IDS: variants seen among roughly 807,000 people sequenced by gnomAD.
IDS encodes iduronate 2-sulfatase, also known as alpha-L-iduronate sulfate sulfatase.
A neutral mutation model predicts 33.5 loss-of-function variants in IDS; 1 was observed. The ratio of observed to expected loss-of-function variants is 0.03; its 90% CI spans 0.01 to 0.14. The LOEUF is 0.14. Among genes scored for constraint, IDS ranks in the 10% least tolerant of loss-of-function variants. The probability of loss-of-function intolerance (pLI) is 1.00; values close to 1 mark genes in which losing one functional copy is unlikely to be tolerated. For synonymous variants in IDS, 191 were observed against 184.4 expected (o/e 1.04, Z -0.29); for missense variants, 328 against 448.0 (o/e 0.73, Z 2.42).
At chrX:149,502,593 C>A (rs1000977041) in intron 3 of IDS, 1 of 124,230 alleles carries the variant, frequency 8.0e-6, no homozygotes, top group Non-Finnish European at 1.7e-5. Context: ...TGAAAACATT[C>A]GTCATTCCCA....
At position 149,504,274 on chromosome X, in the gene IDS, G is replaced by C. The variant is rs146904022; in HGVS notation, c.123C>G (p.Leu41=). The change falls in exon 2 of 9, where the codon CTC becomes CTG. Residue 41 remains leucine (L), a synonymous_variant. Transcript: ENST00000340855. The stretch of plus-strand genomic sequence containing the variant: ...AGGGGCGCAGGTCATCCACGATGAT[G>C]AGAAGAACGTTCAGAGCATCTACAC... The part of the protein sequence containing the change: ...NSTTDALNVL[L]IIVDDLRPSL... 233 of 1,207,167 alleles carry C rather than the reference G, an allele frequency of 1.9e-4. 1 individual carries two copies. In the African/African-American group the frequency reaches 3.4e-3, roughly 17 times the overall value.
At chrX:149,485,305 G>C (rs953236071) in intron 8 of IDS, among the ~76,000 whole-genome samples, 35 of 112,104 alleles carry the variant, frequency 3.1e-4, no homozygotes, top group Non-Finnish European at 7.5e-5. Context: ...GCACAAGCAA[G>C]GGGACCATTT....
At chrX:149,490,224 C>A in intron 7 of IDS, 90 bp downstream of exon 7, 1 of 972,547 alleles carries the variant, frequency 1.0e-6, no homozygotes, top group Non-Finnish European at 1.5e-6. Context: ...AGAGAACACA[C>A]CCATGTTTAT....
chrX:149,504,288 G>C lies in IDS; in HGVS notation c.109C>G (p.Leu37Val). 8.3e-7 allele frequency: 1 copy of C among 1,201,801 alleles called. No individual in the cohort carries two copies. The highest frequency in any genetic ancestry group is 1.1e-6 in the Non-Finnish European group (1 of 890,316). ...ETQANSTTDALNVLLIIVDDL... is the reference protein window; with the variant it reads ...ETQANSTTDAVNVLLIIVDDL... ...TCCACGATGATGAGAAGAACGTTCAGAGCATCTACACAGGAGGGAGGGGCT... is the reference window on the plus strand; with the variant it reads ...TCCACGATGATGAGAAGAACGTTCACAGCATCTACACAGGAGGGAGGGGCT... Residue 37 changes from leucine to valine, a missense_variant, in exon 2 of 9, where the codon CTG becomes GTG. Leu to Val is a conservative substitution (Grantham distance 32, BLOSUM62 1). Around this residue, in one of 4 missense-constraint regions of IDS, gnomAD observed 45 missense variants for 33.6 expected, o/e 1.34. Transcript: ENST00000340855.
At chrX:149,484,531 A>G (rs1447833582) in intron 8 of IDS, among the ~76,000 whole-genome samples, 1 of 112,637 alleles carries the variant, frequency 8.9e-6, no homozygotes, top group South Asian at 3.6e-4. Context: ...CTTGTTGGCC[A>G]GGATGGTCTT....
chrX:149,496,599 C>T, intron 5 of IDS, 83 bp from the exon 6 acceptor site: 1 of 1,021,309 alleles, frequency 9.8e-7, no homozygotes, highest in Non-Finnish European at 1.4e-6. Flanking sequence ...TCTATACTGC[C>T]TTTTCTCTAA....
intron 1 of IDS, 112 bp downstream of exon 1, chrX:149,504,921 GGA>G: frequency 1.8e-6 from 1 of 545,175 alleles, no homozygotes. Context: ...AGGAATGGTA[GGA>G]GAGAGGAAGG....
chrX:149,490,836 C>G (rs1449745578), intron 6 of IDS, among the ~76,000 whole-genome samples: 1 of 111,905 alleles, frequency 8.9e-6, no homozygotes, highest in Non-Finnish European at 1.9e-5. Context: ...AAGAATCTTG[C>G]CTCTCCCTAG....
rs11549010 is a variant in IDS at position 149,505,080 on chromosome X, C to T, written c.58G>A (p.Val20Ile). The change falls in exon 1 of 9, where the codon GTC becomes ATC. Residue 20 changes from valine to isoleucine, a missense_variant. This residue lies in a region of IDS where 45 missense variants were observed against 33.6 expected (regional missense o/e 1.34). Coordinates refer to ENST00000340855, the MANE Select transcript of IDS (RefSeq NM_000202.8). ...LLWLGLVLSS[V>I]CVALGSETQA... Reference sequence around the variant, plus strand: ...GTTTCGGATCCGAGGGCGACGCAGACGGAGCTCAGAACCAGACCCAGCCAG... The same window carrying T: ...GTTTCGGATCCGAGGGCGACGCAGATGGAGCTCAGAACCAGACCCAGCCAG... 8.3e-7 allele frequency: 1 copy of T among 1,209,124 alleles called. No individual in the cohort carries two copies. The highest frequency in any genetic ancestry group is 1.1e-6 in the Non-Finnish European group (1 of 893,595).
At chrX:149,493,652 G>T (rs1397267452) in intron 6 of IDS, among the ~76,000 whole-genome samples, 1 of 111,111 alleles carries the variant, frequency 9.0e-6, no homozygotes, top group African/African-American at 3.3e-5. Flanking sequence ...CAGGGACAGT[G>T]GTGGGGAGTT....
At position 149,486,961 on chromosome X, in the gene IDS, C is replaced by T. The variant is rs370125505; in HGVS notation, c.1144G>A (p.Asp382Asn). The change falls in exon 8 of 9, where the codon GAC becomes AAC. Residue 382 changes from aspartate (D) to asparagine (N), a missense_variant. Physicochemically the swap from Asp to Asn is conservative, Grantham distance 23 (BLOSUM62 1). This residue lies in a region of IDS where 265 missense variants were observed against 339.2 expected (regional missense o/e 0.78). Coordinates refer to ENST00000340855, the MANE Select transcript of IDS (RefSeq NM_000202.8). ...AACTGTGAGGCGGAATCAAAAGGGT[C>T]GAGGTAAGGGAAAAGCTTCTCGCCT... is the stretch of plus-strand genomic sequence containing the variant. ...EAGEKLFPYLDPFDSASQLME... is the reference protein window; with the variant it reads ...EAGEKLFPYLNPFDSASQLME... 2.5e-6 allele frequency: 3 copies of T among 1,211,652 alleles called. No individual in the cohort carries two copies. Among genetic ancestry groups the T allele is most frequent in the South Asian group, 1.8e-5 (1 of 56,982 alleles).
chrX:149,492,717 T>C (rs1043879716), intron 6 of IDS, among the ~76,000 whole-genome samples: 7 of 110,448 alleles, frequency 6.3e-5, no homozygotes, highest in African/African-American at 2.0e-4. Flanking sequence ...TTAGACAAAA[T>C]GGTACTAGGC....
chrX:149,497,093 T>C lies in IDS; in HGVS notation c.709-577A>G, dbSNP rs188049132. ...AATGCTGCTAACTAGGGAAGCTCAT[T>C]AAAGCCTCATTATCCAGTTTTTATT... On this transcript the variant is annotated intron_variant, in intron 5 of 8. Coordinates refer to ENST00000340855, the MANE Select transcript of IDS (RefSeq NM_000202.8). 1.1e-4 allele frequency among the ~76,000 whole-genome samples: 12 copies of C among 111,745 alleles called. No individual in the cohort carries two copies. The East Asian group carries it at 3.1e-3, about 29-fold the overall frequency.
At chrX:149,502,590 A>G (rs904054806) in intron 3 of IDS, 1 of 124,344 alleles carries the variant, frequency 8.0e-6, no homozygotes, top group Admixed American at 8.1e-5. Flanking sequence ...GACTGAAAAC[A>G]TTCGTCATTC....
rs782113338 is a variant in IDS at position 149,482,380 on chromosome X, TAATG to T, written c.*362_*365del. 1 of 171,556 alleles carries T rather than the reference TAATG, an allele frequency of 5.8e-6. No individual in the cohort carries two copies. The highest frequency in any genetic ancestry group is 1.6e-4 in the East Asian group (1 of 6,327). The allele number at this position is 171,556 out of a possible 1,213,427, so 14.1% of individuals were successfully genotyped here. On this transcript the variant is annotated 3_prime_UTR_variant, in exon 9 of 9. Transcript: ENST00000340855. ...TTTGAAATGCACTAAATTCCACAAA[TAATG>T]AAAGTATTCTTTGTGTATAATGTTA...
intron 6 of IDS, chrX:149,491,558 G>A (rs782595316): frequency 1.0e-6 from 1 of 980,497 alleles, no homozygotes; most frequent in Non-Finnish European, 1.3e-6. Flanking sequence ...TTGCAGTCAA[G>A]AGAAAAGATA....
At chrX:149,494,720 G>T (rs782147046) in intron 6 of IDS, among the ~76,000 whole-genome samples, 1 of 112,050 alleles carries the variant, frequency 8.9e-6, no homozygotes, top group Non-Finnish European at 1.9e-5. Flanking sequence ...CACGGTCCTA[G>T]ATACTTCTAC....
chrX:149,495,468 T>C (rs782429142), intron 6 of IDS: 2 of 51,686 alleles, frequency 3.9e-5, no homozygotes, highest in African/African-American at 1.2e-4. Context: ...CCTGGTGTGC[T>C]TTTTTTTTTT....
intron 7 of IDS, 68 bp from the exon 8 acceptor site, chrX:149,487,166 A>G: frequency 1.7e-6 from 2 of 1,208,805 alleles, no homozygotes; most frequent in Non-Finnish European, 2.2e-6. Context: ...TTTATTTTAG[A>G]TACCATTTCA....
Sources: allele counts gnomAD v4.1 joint callset (sites outside exome capture counted in the v4.1 genomes callset), GRCh38; gene constraint gnomAD v4.1.1; regional missense constraint gnomAD v4.1.1; transcripts MANE v1.5; gene names NCBI Gene and HGNC (gene_info 2026-07-23, HGNC 2026-07-21).